Variants in CACNA2D1 observed in about 807,000 individuals in gnomAD.
CACNA2D1 encodes voltage-dependent calcium channel subunit alpha-2/delta-1.
In CACNA2D1, 53 loss-of-function variants were observed where a neutral mutation model predicts 171.5. The observed-to-expected ratio is 0.31, with a 90% CI of 0.25 to 0.39. The LOEUF (loss-of-function observed/expected upper bound fraction) is 0.39. Among genes scored for constraint, CACNA2D1 ranks in the 10% least tolerant of loss-of-function variants. The pLI is 1.00. For synonymous variants in CACNA2D1, 442 were observed against 443.1 expected, an observed-to-expected ratio of 1.00 and a Z score of 0.03; for missense variants, 903 against 1,299.8, an observed-to-expected ratio of 0.69 and a Z score of 4.69.
intron 12 of CACNA2D1, among the ~76,000 whole-genome samples, chr7:82,018,309 A>G (rs1800756442): frequency 6.6e-6 from 1 of 152,178 alleles, no homozygotes; most frequent in South Asian, 2.1e-4. Flanking sequence ...ATGTTTGTTA[A>G]AAACAAGTGA....
chr7:82,076,478 A>C (rs1245039205), intron 7 of CACNA2D1, among the ~76,000 whole-genome samples: 1 of 152,136 alleles, frequency 6.6e-6, no homozygotes, highest in Non-Finnish European at 1.5e-5. Context: ...CAACTTAAAA[A>C]ATGATACTCA....
intron 6 of CACNA2D1, among the ~76,000 whole-genome samples, chr7:82,112,657 G>C (rs1286624883): frequency 6.6e-6 from 1 of 152,124 alleles, no homozygotes; most frequent in African/African-American, 2.4e-5. Flanking sequence ...TCTGTTAAAG[G>C]TATACTACCC....
At chr7:82,166,042 A>G (rs1442614323) in intron 4 of CACNA2D1, among the ~76,000 whole-genome samples, 1 of 151,990 alleles carries the variant, frequency 6.6e-6, no homozygotes, top group African/African-American at 2.4e-5. Context: ...CCCATTCCAC[A>G]TATTCAAAAA....
chr7:82,405,639 T>TA (rs941513396), intron 1 of CACNA2D1, among the ~76,000 whole-genome samples: 2 of 152,132 alleles, frequency 1.3e-5, no homozygotes, highest in Admixed American at 6.6e-5. Context: ...ACTTACATAT[T>TA]AAAAAAATGC....
At position 81,968,899 on chromosome 7, in the gene CACNA2D1, G is replaced by A; in HGVS notation, c.2383C>T (p.Leu795Phe). 1 of 1,544,886 alleles carries A rather than the reference G, an allele frequency of 6.5e-7. No homozygotes were observed. Among genetic ancestry groups the A allele is most frequent in the Non-Finnish European group, 8.9e-7 (1 of 1,119,022 alleles). Residue 795 changes from leucine (L) to phenylalanine (F), a missense_variant, in exon 29 of 39, where the codon CTT (leucine) becomes TTT (phenylalanine). Physicochemically the swap from Leu to Phe is conservative, Grantham distance 22. Transcript: ENST00000356860. ...AVEIYIQGKL[L>F]KPAVVGIKID... ...TATTTATCCTTACCTGCAGGTTTAAGAAGTTTCCCTTGAATATATATTTCT... is the reference window on the plus strand; with the variant it reads ...TATTTATCCTTACCTGCAGGTTTAAAAAGTTTCCCTTGAATATATATTTCT...
chr7:82,407,556 A>C (rs1827190874), intron 1 of CACNA2D1, among the ~76,000 whole-genome samples: 1 of 152,226 alleles, frequency 6.6e-6, no homozygotes, highest in African/African-American at 2.4e-5. Flanking sequence ...TTATGCTATT[A>C]TAAATTCATG....
chr7:82,085,014 A>C, intron 6 of CACNA2D1, 114 bp from the exon 7 acceptor site: 1 of 949,930 alleles, frequency 1.1e-6, no homozygotes, highest in Non-Finnish European at 1.6e-6. Context: ...CTATAAAATA[A>C]CTCTAATCCA....
At chr7:82,076,046 A>G (rs1808929380) in intron 7 of CACNA2D1, among the ~76,000 whole-genome samples, 1 of 152,162 alleles carries the variant, frequency 6.6e-6, no homozygotes, top group Admixed American at 6.5e-5. Flanking sequence ...GTGAGCAATA[A>G]AATCAATCAT....
intron 3 of CACNA2D1, among the ~76,000 whole-genome samples, chr7:82,245,420 G>A (rs985236135): frequency 6.6e-6 from 1 of 151,972 alleles, no homozygotes; most frequent in Non-Finnish European, 1.5e-5. Context: ...ATTGAAATTC[G>A]CCTTTAATGG....
chr7:82,005,998 T>C (rs1011535709), intron 16 of CACNA2D1, among the ~76,000 whole-genome samples, 159 bp from the exon 17 acceptor site: 1 of 151,912 alleles, frequency 6.6e-6, no homozygotes, highest in African/African-American at 2.4e-5. Context: ...TTACAAGGAT[T>C]CTCAGCTTTG....
intron 3 of CACNA2D1, among the ~76,000 whole-genome samples, chr7:82,178,100 A>G (rs185712242): frequency 6.6e-6 from 1 of 152,290 alleles, no homozygotes; most frequent in Admixed American, 6.5e-5. Flanking sequence ...AAACATATAA[A>G]TAAAACTTGC....
At chr7:82,012,467 T>A (rs1465028637) in intron 14 of CACNA2D1, among the ~76,000 whole-genome samples, 1 of 152,158 alleles carries the variant, frequency 6.6e-6, no homozygotes, top group Non-Finnish European at 1.5e-5. Context: ...ATACAATATA[T>A]CTACCCCAGT....
intron 3 of CACNA2D1, among the ~76,000 whole-genome samples, chr7:82,294,288 C>A (rs1056346044): frequency 6.6e-6 from 1 of 151,898 alleles, no homozygotes; most frequent in Non-Finnish European, 1.5e-5. Flanking sequence ...ACATAAAATT[C>A]AAATATTTTT....
At chr7:82,341,347 C>G (rs2129444962) in intron 2 of CACNA2D1, among the ~76,000 whole-genome samples, 1 of 152,038 alleles carries the variant, frequency 6.6e-6, no homozygotes, top group East Asian at 1.9e-4. Flanking sequence ...ATTCCTTCAC[C>G]TAAGGTAAAG....
intron 3 of CACNA2D1, among the ~76,000 whole-genome samples, chr7:82,195,102 A>G (rs1798721930): frequency 6.6e-6 from 1 of 152,166 alleles, no homozygotes; most frequent in East Asian, 1.9e-4. Flanking sequence ...TGATTCCATT[A>G]CCAATTAATT....
chr7:82,123,297 CA>C (rs1789957367), intron 5 of CACNA2D1, among the ~76,000 whole-genome samples: 1 of 152,122 alleles, frequency 6.6e-6, no homozygotes, highest in African/African-American at 2.4e-5. Flanking sequence ...TTAAGATATT[CA>C]TGGTAAACAT....
chr7:82,312,899 G>C (rs1585445139), intron 3 of CACNA2D1, among the ~76,000 whole-genome samples: 1 of 152,154 alleles, frequency 6.6e-6, no homozygotes, highest in East Asian at 1.9e-4. Context: ...TTAAACCGAA[G>C]ATGCTTCAAA....
chr7:82,186,141 A>G (rs1352989297), intron 3 of CACNA2D1, among the ~76,000 whole-genome samples: 1 of 145,674 alleles, frequency 6.9e-6, no homozygotes, highest in Non-Finnish European at 1.5e-5. Flanking sequence ...AGGTGACAAG[A>G]GCGAAACTCT....
chr7:82,422,985 A>G (rs1208623714), intron 1 of CACNA2D1, among the ~76,000 whole-genome samples: 1 of 152,122 alleles, frequency 6.6e-6, no homozygotes, highest in East Asian at 1.9e-4. Flanking sequence ...AATTCTCACT[A>G]TTTGCTAACT....
Sources: gnomAD v4.1 joint callset for allele counts (sites outside exome capture counted in the v4.1 genomes callset) on GRCh38, gnomAD v4.1.1 for gene constraint, MANE v1.5 for transcripts, NCBI Gene and HGNC (gene_info 2026-07-23, HGNC 2026-07-21) for gene names.